The following CSGALNACT1 variants were observed in gnomAD, a reference collection of about 807,000 sequenced individuals.
The protein encoded by CSGALNACT1 is beta4GalNAcT-1.
Under a neutral mutation model 51.0 loss-of-function variants are expected in CSGALNACT1, and 52 were observed. The observed-to-expected ratio is 1.02, with a 90% CI of 0.82 to 1.29. The LOEUF is 1.29. Among genes scored for constraint, CSGALNACT1 ranks in the 50% most tolerant of loss-of-function variants. CSGALNACT1 has a pLI of 0.00. For synonymous variants in CSGALNACT1, 341 were observed against 254.4 expected (o/e 1.34, Z -3.24); for missense variants, 935 against 679.2 (o/e 1.38, Z -4.19).
At chr8:19,433,677 T>C (rs2059971661) in intron 6 of CSGALNACT1, among the ~76,000 whole-genome samples, 1 of 152,200 alleles carries the variant, frequency 6.6e-6, no homozygotes, top group African/African-American at 2.4e-5. Flanking sequence ...TAGTGACAAC[T>C]CTCTGGTTGT....
upstream of CSGALNACT1, chr8:19,683,199 G>A (rs1339731688): frequency 1.9e-5 from 3 of 154,704 alleles, no homozygotes; most frequent in Non-Finnish European, 4.3e-5. Flanking sequence ...TTTCCACGAT[G>A]TGTAAAATTC....
At chr8:19,628,678 C>T (rs13328416) in intron 1 of CSGALNACT1, among the ~76,000 whole-genome samples, 5,961 of 151,436 alleles carry the variant, frequency 0.039, 380 homozygotes, top group African/African-American at 0.13. Context: ...TTTTGGGTCT[C>T]GCCATGCTGC....
chr8:19,541,682 T>C (rs1164149137), intron 3 of CSGALNACT1, among the ~76,000 whole-genome samples: 1 of 150,534 alleles, frequency 6.6e-6, no homozygotes, highest in East Asian at 1.9e-4. Flanking sequence ...ATTACAGGCC[T>C]GAGCCACTGC....
upstream of CSGALNACT1, among the ~76,000 whole-genome samples, chr8:19,684,886 C>T (rs2060886180): frequency 6.6e-6 from 1 of 152,128 alleles, no homozygotes. Flanking sequence ...ATTTCATATC[C>T]ATGTTGTATG....
intron 1 of CSGALNACT1, among the ~76,000 whole-genome samples, chr8:19,699,661 T>C (rs951387866): frequency 6.6e-6 from 1 of 152,224 alleles, no homozygotes; most frequent in East Asian, 1.9e-4. Context: ...TCTTGTTTAA[T>C]GGGTACAGTT....
At chr8:19,586,289 G>A (rs1181017582) in intron 3 of CSGALNACT1, among the ~76,000 whole-genome samples, 2 of 152,054 alleles carry the variant, frequency 1.3e-5, no homozygotes, top group African/African-American at 4.8e-5. Flanking sequence ...AACCTGTGAT[G>A]GGGAGGCTGC....
intron 5 of CSGALNACT1, among the ~76,000 whole-genome samples, chr8:19,444,801 G>T (rs2061860680): frequency 6.6e-6 from 1 of 152,186 alleles, no homozygotes; most frequent in Admixed American, 6.5e-5. Context: ...ACATCTCATG[G>T]CACTGATATA....
chr8:19,455,311 G>A (rs1026561675), intron 5 of CSGALNACT1, among the ~76,000 whole-genome samples: 3 of 151,952 alleles, frequency 2.0e-5, no homozygotes, highest in African/African-American at 7.3e-5. Flanking sequence ...GAAAACAGAG[G>A]CAAAAAAGGA....
intron 1 of CSGALNACT1, among the ~76,000 whole-genome samples, chr8:19,650,310 A>AT (rs1223355018): frequency 3.3e-5 from 5 of 152,170 alleles, no homozygotes; most frequent in Non-Finnish European, 5.9e-5. Context: ...ATAGATTTAG[A>AT]TTTTTTCTCT....
At chr8:19,594,869 C>T (rs1043464741) in intron 2 of CSGALNACT1, among the ~76,000 whole-genome samples, 6 of 152,090 alleles carry the variant, frequency 3.9e-5, no homozygotes, top group African/African-American at 1.4e-4. Flanking sequence ...TTAATTCAAT[C>T]CATTTTCCTA....
intron 1 of CSGALNACT1, among the ~76,000 whole-genome samples, chr8:19,629,683 T>G (rs991649666): frequency 6.6e-6 from 1 of 152,226 alleles, no homozygotes; most frequent in Non-Finnish European, 1.5e-5. Flanking sequence ...ATGGTTGTTT[T>G]CCAGCTGTAA....
At chr8:19,519,995 C>T (rs1228134154) in intron 3 of CSGALNACT1, among the ~76,000 whole-genome samples, 1 of 152,250 alleles carries the variant, frequency 6.6e-6, no homozygotes, top group East Asian at 1.9e-4. Flanking sequence ...CCGGCACCCA[C>T]TCTGATGAGT....
intron 5 of CSGALNACT1, among the ~76,000 whole-genome samples, chr8:19,441,140 T>G (rs1158170000): frequency 6.6e-6 from 1 of 152,338 alleles, no homozygotes; most frequent in African/African-American, 2.4e-5. Flanking sequence ...ATGGTCATAC[T>G]GCCCAAGGTA....
intron 6 of CSGALNACT1, among the ~76,000 whole-genome samples, chr8:19,421,695 A>G (rs2057966222): frequency 6.6e-6 from 1 of 152,236 alleles, no homozygotes; most frequent in Non-Finnish European, 1.5e-5. Context: ...ATAGAGTCAT[A>G]AACTTTTAAA....
At position 19,408,633 on chromosome 8, in the gene CSGALNACT1, C is replaced by G. The variant is rs776884759; in HGVS notation, c.1289G>C (p.Arg430Pro). The change falls in exon 9 of 10, where the codon CGG (arginine) becomes CCG (proline). Residue 430 changes from arginine to proline, a missense_variant. Transcript: ENST00000454498. ...CCTACCTATATTGATGAAGTCTGACCGATACTGACACGTCATCCCAAATCC... is the reference window on the plus strand; with the variant it reads ...CCTACCTATATTGATGAAGTCTGACGGATACTGACACGTCATCCCAAATCC... 3 of 1,613,740 alleles carry G rather than the reference C, an allele frequency of 1.9e-6. No individual in the cohort carries two copies. The highest frequency in any genetic ancestry group is 2.2e-5 in the East Asian group (1 of 44,866).
At chr8:19,527,807 C>A (rs1384659231) in intron 3 of CSGALNACT1, among the ~76,000 whole-genome samples, 1 of 152,046 alleles carries the variant, frequency 6.6e-6, no homozygotes, top group African/African-American at 2.4e-5. Flanking sequence ...TGGGCTTAGA[C>A]AAGTTAAGCT....
chr8:19,599,027 G>A (rs35101845), intron 2 of CSGALNACT1, among the ~76,000 whole-genome samples: 20,064 of 152,116 alleles, frequency 0.13, 1,503 homozygotes, highest in African/African-American at 0.21. Flanking sequence ...TAGGTAGAGA[G>A]AGTGTGGACA....
chr8:19,405,594 G>A, exon 10 of CSGALNACT1: 1 of 822,938 alleles, frequency 1.2e-6, no homozygotes. Flanking sequence ...TACTTTTGCA[G>A]GCAAAGCGGA....
intron 3 of CSGALNACT1, among the ~76,000 whole-genome samples, chr8:19,536,935 C>G (rs1220795482): frequency 6.6e-6 from 1 of 152,168 alleles, no homozygotes; most frequent in African/African-American, 2.4e-5. Flanking sequence ...ACAAATGGTG[C>G]TGGTTCTGGA....
Sources: gnomAD v4.1 joint callset for allele counts (sites outside exome capture counted in the v4.1 genomes callset) on GRCh38, gnomAD v4.1.1 for gene constraint, MANE v1.5 for transcripts, NCBI Gene and HGNC (gene_info 2026-07-23, HGNC 2026-07-21) for gene names.